Variants in CACNA2D1 observed in about 807,000 individuals in gnomAD.
The protein encoded by CACNA2D1 is voltage-dependent calcium channel subunit alpha-2/delta-1.
In CACNA2D1, 53 loss-of-function variants were observed where a neutral mutation model predicts 171.5. That is an observed-to-expected ratio of 0.31 (90% CI 0.25 to 0.39). The LOEUF is 0.39. Ranked by LOEUF, CACNA2D1 falls within the 10% of genes least tolerant of loss-of-function variation. The pLI, the probability that CACNA2D1 is intolerant of heterozygous loss-of-function variation, is 1.00. For synonymous variants in CACNA2D1, 442 were observed against 443.1 expected, an observed-to-expected ratio of 1.00 and a Z score of 0.03; for missense variants, 903 against 1,299.8, an observed-to-expected ratio of 0.69 and a Z score of 4.69.
intron 3 of CACNA2D1, among the ~76,000 whole-genome samples, chr7:82,223,379 T>C (rs1477292350): frequency 1.3e-5 from 2 of 152,198 alleles, no homozygotes; most frequent in African/African-American, 4.8e-5. Context: ...CCCCAAGGTA[T>C]CCACTAGGGT....
At chr7:82,078,050 T>G (rs562685937) in intron 7 of CACNA2D1, among the ~76,000 whole-genome samples, 1 of 152,258 alleles carries the variant, frequency 6.6e-6, no homozygotes, top group Admixed American at 6.5e-5. Context: ...TTGTAAGAGA[T>G]TCTTTTGCAT....
intron 3 of CACNA2D1, among the ~76,000 whole-genome samples, chr7:82,308,108 T>C (rs1813960498): frequency 6.6e-6 from 1 of 152,140 alleles, no homozygotes; most frequent in Admixed American, 6.5e-5. Flanking sequence ...AAGAAAAAAC[T>C]AAAACTTCAT....
At chr7:82,060,190 T>TATATATATTA (rs1491114373) in intron 10 of CACNA2D1, among the ~76,000 whole-genome samples, 79 of 13,116 alleles carry the variant, frequency 6.0e-3, no homozygotes, top group African/African-American at 0.011. Context: ...TATATATATA[T>TATATATATTA]TATATATATA....
At chr7:82,341,217 C>T (rs1425538044) in intron 2 of CACNA2D1, among the ~76,000 whole-genome samples, 2 of 151,954 alleles carry the variant, frequency 1.3e-5, no homozygotes, top group African/African-American at 2.4e-5. Flanking sequence ...ATCAAAGTTC[C>T]CTTAACTAAA....
At chr7:82,428,439 A>G (rs1829391409) in intron 1 of CACNA2D1, among the ~76,000 whole-genome samples, 1 of 152,060 alleles carries the variant, frequency 6.6e-6, no homozygotes, top group African/African-American at 2.4e-5. Flanking sequence ...TATGACTTGG[A>G]CCTCCCTTTC....
At chr7:82,214,209 T>C (rs1800863623) in intron 3 of CACNA2D1, among the ~76,000 whole-genome samples, 2 of 152,192 alleles carry the variant, frequency 1.3e-5, no homozygotes, top group Admixed American at 1.3e-4. Context: ...ATTCAGTCCA[T>C]TGCAACACTG....
intron 6 of CACNA2D1, among the ~76,000 whole-genome samples, chr7:82,100,542 T>C (rs774368970): frequency 7.9e-5 from 12 of 152,202 alleles, no homozygotes; most frequent in Non-Finnish European, 8.8e-5. Context: ...TCAGAATAAG[T>C]TGAAATAAAT....
At chr7:81,995,438 A>G (rs1797942403) in intron 19 of CACNA2D1, among the ~76,000 whole-genome samples, 1 of 152,200 alleles carries the variant, frequency 6.6e-6, no homozygotes, top group Admixed American at 6.5e-5. Context: ...GAAAACTATA[A>G]ACACCTATTT....
At chr7:82,443,079 G>A (rs1004642443) in intron 1 of CACNA2D1, among the ~76,000 whole-genome samples, 19 of 152,196 alleles carry the variant, frequency 1.2e-4, no homozygotes, top group African/African-American at 3.9e-4. Context: ...AGAGAATCCC[G>A]TTAGAGACGG....
chr7:82,424,240 C>T (rs1378504147), intron 1 of CACNA2D1, among the ~76,000 whole-genome samples: 1 of 152,098 alleles, frequency 6.6e-6, no homozygotes, highest in African/African-American at 2.4e-5. Flanking sequence ...TGACTTAGGA[C>T]ATGCACAGGC....
At chr7:82,227,232 G>A (rs1476319731) in intron 3 of CACNA2D1, among the ~76,000 whole-genome samples, 1 of 152,270 alleles carries the variant, frequency 6.6e-6, no homozygotes, top group Middle Eastern at 3.4e-3. Flanking sequence ...AAGTCTTCAA[G>A]GTTGGGAAGA....
Position 81,964,068 on chromosome 7 carries a change from G to C in CACNA2D1, c.2768C>G (p.Thr923Ser), listed in dbSNP as rs139608070. 1,010 of 1,611,950 alleles carry C rather than the reference G, an allele frequency of 6.3e-4. 1 individual carries two copies. The highest frequency in any genetic ancestry group is 7.9e-4 in the Non-Finnish European group (934 of 1,178,742). ...ADILQIGWWA[T>S]AAAWSILQQF... is the part of the protein sequence containing the mutation. ...AATTTTGACTTACCAGGCAGCAGCA[G>C]TGGCCCACCAGCCAATTTGTAATAT... The change falls in exon 34 of 39, where the codon ACT becomes AGT. Residue 923 changes from threonine to serine, a missense_variant. By Grantham distance (58) the Thr-to-Ser change is moderately conservative. This residue lies in a region of CACNA2D1 where 623 missense variants were observed against 925.5 expected (regional missense o/e 0.67). Transcript: ENST00000356860.
intron 38 of CACNA2D1, among the ~76,000 whole-genome samples, chr7:81,953,206 A>G (rs1792815427): frequency 1.3e-5 from 2 of 152,086 alleles, no homozygotes; most frequent in Admixed American, 6.6e-5. Context: ...AAGCTGTCTC[A>G]CTTGTCCCAT....
intron 12 of CACNA2D1, among the ~76,000 whole-genome samples, chr7:82,016,267 C>T (rs912327821): frequency 1.3e-4 from 19 of 151,922 alleles, no homozygotes; most frequent in African/African-American, 4.1e-4. Context: ...AATGCCATAC[C>T]CTAAACAATC....
intron 3 of CACNA2D1, among the ~76,000 whole-genome samples, chr7:82,284,698 A>G (rs1433463131): frequency 6.6e-6 from 1 of 152,084 alleles, no homozygotes; most frequent in African/African-American, 2.4e-5. Context: ...CATCCAGGAG[A>G]GCAGAGCCCT....
Position 81,982,904 on chromosome 7 carries a change from C to T in CACNA2D1, c.1895-277G>A, listed in dbSNP as rs187573871. Among the ~76,000 whole-genome samples the T allele has an allele frequency of 1.1e-4, 17 of 152,042 alleles. No homozygotes were observed. In the East Asian group the frequency reaches 2.9e-3, roughly 26 times the overall value. ...TTTTCTGATCTAACCCTACTATAACCGAATATCTTTTAAAAAGTGATTGAT... is the reference window on the plus strand; with the variant it reads ...TTTTCTGATCTAACCCTACTATAACTGAATATCTTTTAAAAAGTGATTGAT... On this transcript the variant is annotated intron_variant, in intron 23 of 38. Transcript: ENST00000356860.
chr7:81,958,877 T>G (rs1195712877), intron 38 of CACNA2D1, among the ~76,000 whole-genome samples: 3 of 150,808 alleles, frequency 2.0e-5, no homozygotes, highest in Non-Finnish European at 4.4e-5. Flanking sequence ...TCTGTAATAA[T>G]AAGACAATGG....
chr7:82,306,349 T>A (rs1813732077), intron 3 of CACNA2D1, among the ~76,000 whole-genome samples: 1 of 152,202 alleles, frequency 6.6e-6, no homozygotes, highest in Non-Finnish European at 1.5e-5. Flanking sequence ...CAGGTGAATA[T>A]GTCTTAAGAA....
In CACNA2D1 at chr7:81,948,187, AC is replaced by A. The variant is rs1247783522; in HGVS notation, c.*2204del. 1.3e-5 allele frequency: 2 copies of A among 151,808 alleles called. No individual in the cohort carries two copies. Among genetic ancestry groups the A allele is most frequent in the Non-Finnish European group, 3.0e-5 (2 of 67,790 alleles). 9.4% of individuals were successfully genotyped at this position (151,808 alleles called of 1,614,324 possible). On this transcript the variant is annotated 3_prime_UTR_variant, in exon 39 of 39. Coordinates refer to ENST00000356860, the MANE Select transcript of CACNA2D1 (RefSeq NM_000722.4). Reference sequence around the variant, plus strand: ...CAAACTAACAATTTTATATTTTGATACCCCCTTCCCAACACTATCATGATTT... The same window carrying A: ...CAAACTAACAATTTTATATTTTGATACCCCTTCCCAACACTATCATGATTT...
Sources: gnomAD v4.1 joint callset for allele counts (sites outside exome capture counted in the v4.1 genomes callset) on GRCh38, gnomAD v4.1.1 for gene constraint, gnomAD v4.1.1 regional missense constraint, MANE v1.5 for transcripts, NCBI Gene and HGNC (gene_info 2026-07-23, HGNC 2026-07-21) for gene names.